ARHGAP24: variants seen among roughly 807,000 people sequenced by gnomAD.
ARHGAP24 encodes rho GTPase-activating protein 24.
In ARHGAP24, 50 loss-of-function variants were observed where a neutral mutation model predicts 76.4. The ratio of observed to expected loss-of-function variants is 0.65; its 90% CI spans 0.52 to 0.83. The LOEUF (loss-of-function observed/expected upper bound fraction) is 0.83, where lower values mean the gene tolerates loss of function less well. Ranked by LOEUF, ARHGAP24 falls within the 40% of genes least tolerant of loss-of-function variation. The pLI is 0.00. For synonymous variants in ARHGAP24, 345 were observed against 323.3 expected (o/e 1.07, Z -0.72); for missense variants, 930 against 914.2 (o/e 1.02, Z -0.22).
At chr4:85,763,796 T>C (rs1176797239) in intron 3 of ARHGAP24, among the ~76,000 whole-genome samples, 1 of 152,174 alleles carries the variant, frequency 6.6e-6, no homozygotes, top group African/African-American at 2.4e-5. Context: ...AAGTATATGA[T>C]GTACTAATAA....
At chr4:85,968,252 G>A (rs1436285756) in intron 5 of ARHGAP24, among the ~76,000 whole-genome samples, 1 of 152,088 alleles carries the variant, frequency 6.6e-6, no homozygotes, top group Non-Finnish European at 1.5e-5. Context: ...GGGGTTAATA[G>A]CATAACCTAC....
At chr4:85,811,646 T>C (rs950045851) in intron 3 of ARHGAP24, among the ~76,000 whole-genome samples, 1 of 152,224 alleles carries the variant, frequency 6.6e-6, no homozygotes, top group African/African-American at 2.4e-5. Flanking sequence ...ATAATGAAGA[T>C]ACAATCCCAA....
chr4:85,697,211 G>A (rs1471544871), intron 2 of ARHGAP24, among the ~76,000 whole-genome samples: 1 of 152,024 alleles, frequency 6.6e-6, no homozygotes, highest in Non-Finnish European at 1.5e-5. Flanking sequence ...CTTAGCACTG[G>A]ACTACATTCT....
intron 1 of ARHGAP24, among the ~76,000 whole-genome samples, chr4:85,497,141 A>C (rs1723616008): frequency 6.6e-6 from 1 of 152,354 alleles, no homozygotes; most frequent in Non-Finnish European, 1.5e-5. Flanking sequence ...AGTAGTAAAG[A>C]AGAAAGGATT....
chr4:85,837,990 T>C (rs1730380996), intron 3 of ARHGAP24, among the ~76,000 whole-genome samples: 1 of 152,224 alleles, frequency 6.6e-6, no homozygotes, highest in Non-Finnish European at 1.5e-5. Context: ...CATTTGACTG[T>C]CTTGATCGTC....
At chr4:85,955,362 G>A (rs564502236) in intron 5 of ARHGAP24, among the ~76,000 whole-genome samples, 2 of 151,684 alleles carry the variant, frequency 1.3e-5, no homozygotes, top group East Asian at 1.9e-4. Flanking sequence ...AAAAAGCATT[G>A]CAAACTGGGT....
chr4:85,817,123 G>T (rs1399147643), intron 3 of ARHGAP24, among the ~76,000 whole-genome samples: 1 of 151,948 alleles, frequency 6.6e-6, no homozygotes, highest in Non-Finnish European at 1.5e-5. Flanking sequence ...TGAGTCATTT[G>T]TTTTCTCTTT....
chr4:85,974,749 TG>T (rs1739226342), intron 6 of ARHGAP24, 138 bp from the exon 7 acceptor site: 33 of 674,030 alleles, frequency 4.9e-5, no homozygotes, highest in South Asian at 4.1e-4. Context: ...ACTGTGATGG[TG>T]GTAAGTTTTC....
intron 2 of ARHGAP24, among the ~76,000 whole-genome samples, chr4:85,636,571 G>GAC (rs200871995): frequency 1.3e-5 from 2 of 150,764 alleles, no homozygotes; most frequent in Middle Eastern, 3.2e-3. Flanking sequence ...CACACACACA[G>GAC]ACACACACAC....
chr4:85,770,450 G>C (rs982426287), intron 3 of ARHGAP24, among the ~76,000 whole-genome samples: 1 of 152,052 alleles, frequency 6.6e-6, no homozygotes, highest in Non-Finnish European at 1.5e-5. Flanking sequence ...TTGTTTTCTT[G>C]GGAGTCTTAG....
At chr4:85,524,393 C>G (rs1332209424) in intron 1 of ARHGAP24, among the ~76,000 whole-genome samples, 1 of 152,052 alleles carries the variant, frequency 6.6e-6, no homozygotes, top group Admixed American at 6.6e-5. Flanking sequence ...AAAATTTCTA[C>G]CATTTAATGG....
intron 2 of ARHGAP24, among the ~76,000 whole-genome samples, chr4:85,659,046 A>G (rs1436512133): frequency 1.3e-5 from 2 of 152,340 alleles, no homozygotes; most frequent in Middle Eastern, 3.4e-3. Context: ...TTTCTCTCCC[A>G]GGAATATTTG....
intron 2 of ARHGAP24, among the ~76,000 whole-genome samples, chr4:85,581,136 T>TTATA (rs1727591859): frequency 6.6e-6 from 1 of 152,158 alleles, no homozygotes; most frequent in African/African-American, 2.4e-5. Context: ...TCTATACTGC[T>TTATA]TATGAGCTAG....
intron 3 of ARHGAP24, among the ~76,000 whole-genome samples, chr4:85,873,926 C>A (rs571662609): frequency 6.6e-6 from 1 of 152,260 alleles, no homozygotes; most frequent in East Asian, 1.9e-4. Flanking sequence ...TGCTTATCTA[C>A]TTTTAATAAT....
At position 85,570,431 on chromosome 4, in the gene ARHGAP24, CT is replaced by C. The variant is rs202209554; in HGVS notation, c.-20-80del. 3,326 of 419,810 alleles carry C rather than the reference CT, an allele frequency of 7.9e-3. 2 individuals are homozygous for C. Among genetic ancestry groups the C allele is most frequent in the Non-Finnish European group, 9.6e-3 (2,381 of 248,434 alleles). 26.0% of individuals were successfully genotyped at this position (419,810 alleles called of 1,614,324 possible). ...CTTTCTTTCTTTCCTCTCTCTCTCTCTTTTTTTTTTTCTGGAGAAGAGTGGT... is the reference window on the plus strand; with the variant it reads ...CTTTCTTTCTTTCCTCTCTCTCTCTCTTTTTTTTTTCTGGAGAAGAGTGGT... On this transcript the variant is annotated intron_variant, in intron 1 of 9. Transcript: ENST00000395184.
At position 85,621,253 on chromosome 4, in the gene ARHGAP24, G is replaced by A. The variant is rs1244912227; in HGVS notation, c.180+50532G>A. The stretch of plus-strand genomic sequence containing the variant: ...CATACTAGTACAAGTGTCTTTTGGG[G>A]AATTACTTCTTTTTCTTTGGGTAGA... On this transcript the variant is annotated intron_variant, in intron 2 of 9. Coordinates refer to ENST00000395184, the MANE Select transcript of ARHGAP24 (RefSeq NM_001025616.3). Among the ~76,000 whole-genome samples, 5 of 152,116 alleles carry A rather than the reference G, an allele frequency of 3.3e-5. No homozygotes were observed. In the South Asian group the frequency reaches 1.0e-3, roughly 32 times the overall value.
At position 85,919,735 on chromosome 4, in the gene ARHGAP24, C is replaced by T. The variant is rs574938161; in HGVS notation, c.269-3913C>T. ...GCTTTCAGGCAGATACACACTGTAGCGGCTGCCACTCACTCTAATTACTAG... is the reference window on the plus strand; with the variant it reads ...GCTTTCAGGCAGATACACACTGTAGTGGCTGCCACTCACTCTAATTACTAG... On this transcript the variant is annotated intron_variant, in intron 3 of 9. Transcript: ENST00000395184. 5.9e-5 allele frequency among the ~76,000 whole-genome samples: 9 copies of T among 152,270 alleles called. No homozygotes were observed. In the South Asian group the frequency reaches 1.2e-3, roughly 21 times the overall value.
intron 3 of ARHGAP24, among the ~76,000 whole-genome samples, chr4:85,786,072 A>T (rs1391937266): frequency 1.3e-5 from 2 of 152,086 alleles, no homozygotes; most frequent in African/African-American, 4.8e-5. Flanking sequence ...ATTACTTATA[A>T]ATGGAAGTTG....
At chr4:85,600,865 T>C (rs1720006171) in intron 2 of ARHGAP24, among the ~76,000 whole-genome samples, 1 of 152,210 alleles carries the variant, frequency 6.6e-6, no homozygotes, top group South Asian at 2.1e-4. Context: ...GAAAAACGTT[T>C]TTCGTTTTGC....
Sources: allele counts gnomAD v4.1 joint callset (sites outside exome capture counted in the v4.1 genomes callset), GRCh38; gene constraint gnomAD v4.1.1; transcripts MANE v1.5; gene names NCBI Gene and HGNC (gene_info 2026-07-23, HGNC 2026-07-21).